Variants in WDR77 observed in about 807,000 individuals in gnomAD.
The protein encoded by WDR77 is WD repeat domain 77.
WDR77 carries 31 observed loss-of-function variants against 44.0 expected under a neutral mutation model. The observed-to-expected ratio is 0.70, with a 90% confidence interval of 0.53 to 0.95. The LOEUF is 0.95. WDR77 is among the 40% of genes least tolerant of loss of function. WDR77 has a pLI of 0.00. For synonymous variants in WDR77, 186 were observed against 165.7 expected, an observed-to-expected ratio of 1.12 and a Z score of -0.94; for missense variants, 390 against 423.9, an observed-to-expected ratio of 0.92 and a Z score of 0.70.
intron 8 of WDR77, 79 bp from the exon 9 acceptor site, chr1:111,442,172 C>A (rs773295366): frequency 4.3e-6 from 6 of 1,407,942 alleles, no homozygotes; most frequent in Non-Finnish European, 6.0e-6. Context: ...GCCCTGCCGC[C>A]ACTGTAAAGT....
chr1:111,445,878 C>A (rs12042696), intron 4 of WDR77, among the ~76,000 whole-genome samples: 1 of 152,112 alleles, frequency 6.6e-6, no homozygotes, highest in Non-Finnish European at 1.5e-5. Context: ...AAGCACTTCT[C>A]GGGCCTCAGC....
At position 111,440,893 on chromosome 1, in the gene WDR77, A is replaced by T. The variant is rs1225523488; in HGVS notation, c.*337T>A. The T allele has an allele frequency of 1.2e-5, 2 of 167,988 alleles. No individual in the cohort carries two copies. The highest frequency in any genetic ancestry group is 4.8e-5 in the African/African-American group (2 of 42,068). 10.4% of individuals were successfully genotyped at this position (167,988 alleles called of 1,614,324 possible). On this transcript the variant is annotated 3_prime_UTR_variant, in exon 10 of 10. Transcript: ENST00000235090. Reference sequence around the variant, plus strand: ...GCCAATTCCTCATAGACAGCTACATAAAACCCTTTCGTCAACTTGTTTTGG... The same window carrying T: ...GCCAATTCCTCATAGACAGCTACATTAAACCCTTTCGTCAACTTGTTTTGG...
intron 6 of WDR77, 36 bp from the exon 7 acceptor site, chr1:111,443,430 A>C: frequency 6.5e-7 from 1 of 1,530,458 alleles, no homozygotes; most frequent in Non-Finnish European, 8.9e-7. Flanking sequence ...ACCAAAACTC[A>C]GAGTACAGAA....
chr1:111,443,496 TC>T (rs1652897872), intron 6 of WDR77, 102 bp from the exon 7 acceptor site: 2 of 1,337,972 alleles, frequency 1.5e-6, no homozygotes, highest in Admixed American at 2.1e-5. Context: ...TTATTTGATT[TC>T]CCAAACCCTG....
chr1:111,442,555 A>T, intron 8 of WDR77, 98 bp downstream of exon 8: 1 of 777,224 alleles, frequency 1.3e-6, no homozygotes, highest in Non-Finnish European at 1.9e-6. Context: ...TGTCTGCTTT[A>T]AGGAACTACT....
intron 9 of WDR77, 111 bp downstream of exon 9, chr1:111,441,914 G>C (rs781714324): frequency 2.8e-4 from 302 of 1,079,348 alleles, no homozygotes; most frequent in Non-Finnish European, 4.0e-4. Context: ...TTCGGATACA[G>C]ATGGAGAATC....
Position 111,449,223 on chromosome 1 carries a change from C to CTCCGGCAGCAGACTCA in WDR77, c.-55_-54insTGAGTCTGCTGCCGGA, listed in dbSNP as rs1557797319. The stretch of plus-strand genomic sequence containing the variant: ...CAAACTGGACGCCGGCCGGAGACTC[C>CTCCGGCAGCAGACTCA]GCTCCGGCAGCAAACCCCACGTGGT... On this transcript the variant is annotated 5_prime_UTR_variant, in exon 1 of 10. Coordinates refer to ENST00000235090, the MANE Select transcript of WDR77 (RefSeq NM_024102.4). 2.1e-5 allele frequency: 32 copies of CTCCGGCAGCAGACTCA among 1,534,814 alleles called. 1 individual carries two copies. The East Asian group carries it at 7.5e-4, about 36-fold the overall frequency.
chr1:111,447,059 A>C, intron 4 of WDR77, 36 bp downstream of exon 4: 1 of 1,610,994 alleles, frequency 6.2e-7, no homozygotes, highest in South Asian at 1.1e-5. Flanking sequence ...AAAACACAAC[A>C]GCTAACACCA....
At chr1:111,445,470 G>C (rs1483412467) in intron 4 of WDR77, among the ~76,000 whole-genome samples, 2 of 152,202 alleles carry the variant, frequency 1.3e-5, no homozygotes, top group East Asian at 3.8e-4. Flanking sequence ...TACCCTCAAA[G>C]GTTTTGGGGC....
chr1:111,447,224 T>TA (rs1460305512), intron 3 of WDR77, 80 bp from the exon 4 acceptor site: 65 of 1,557,974 alleles, frequency 4.2e-5, no homozygotes, highest in Non-Finnish European at 7.1e-6. Context: ...GAACTTCCTG[T>TA]AATCAACATT....
At chr1:111,447,000 G>C in intron 4 of WDR77, 95 bp downstream of exon 4, 1 of 1,276,022 alleles carries the variant, frequency 7.8e-7, no homozygotes, top group Non-Finnish European at 1.1e-6. Flanking sequence ...AAAACTATCA[G>C]AACATGGAAT....
chr1:111,445,264 G>A (rs1329423167), intron 4 of WDR77, among the ~76,000 whole-genome samples: 2 of 152,178 alleles, frequency 1.3e-5, no homozygotes, highest in East Asian at 3.8e-4. Flanking sequence ...GACTTTCCCA[G>A]GTAGTCTGAA....
At position 111,447,428 on chromosome 1, in the gene WDR77, G is replaced by A. The variant is rs1440947878; in HGVS notation, c.443+7C>T. On this transcript the variant is annotated splice_region_variant and intron_variant, in intron 3 of 9. Transcript: ENST00000235090. ...TAGAGACAGGAGCAATGAGAACAGG[G>A]ACCCACCAGATGTCTTTGCTACCAC... is the stretch of plus-strand genomic sequence containing the variant. 1.9e-6 allele frequency: 3 copies of A among 1,614,044 alleles called. No homozygotes were observed. Among genetic ancestry groups the A allele is most frequent in the Non-Finnish European group, 8.5e-7 (1 of 1,179,970 alleles).
chr1:111,440,362 C>T lies in WDR77; in HGVS notation c.*868G>A, dbSNP rs532610917. The T allele has an allele frequency of 6.6e-6, 1 of 152,342 alleles. No individual in the cohort carries two copies. Among genetic ancestry groups the T allele is most frequent in the Non-Finnish European group, 1.5e-5 (1 of 68,020 alleles). The allele number at this position is 152,342 out of a possible 1,614,324, so 9.4% of individuals were successfully genotyped here. On this transcript the variant is annotated 3_prime_UTR_variant, in exon 10 of 10. Coordinates refer to ENST00000235090, the MANE Select transcript of WDR77 (RefSeq NM_024102.4). ...TTAAAACCTTAGAAGTCTATAAATA[C>T]TGCATTCAGACTTTCCACATCAAGA... is the stretch of plus-strand genomic sequence containing the variant.
chr1:111,446,509 T>C (rs1275013020), intron 4 of WDR77, among the ~76,000 whole-genome samples: 1 of 152,000 alleles, frequency 6.6e-6, no homozygotes, highest in African/African-American at 2.4e-5. Context: ...TAAAAGGGCT[T>C]CAATGCCATG....
chr1:111,443,780 A>C, intron 6 of WDR77, 87 bp downstream of exon 6: 1 of 1,599,340 alleles, frequency 6.3e-7, no homozygotes, highest in Admixed American at 1.7e-5. Flanking sequence ...CTGGGCATCT[A>C]GCAACTATGC....
Position 111,449,136 on chromosome 1 carries a change from G to A in WDR77, c.34C>T (p.Pro12Ser). ...GGAAGATTCCACTCCCGGGCCGCCG[G>A]GGGCACTAGGGGGGGTGGGGTTTCC... Reference protein sequence around the residue: ...RKETPPPLVPPAAREWNLPPN... With the variant: ...RKETPPPLVPSAAREWNLPPN... The change falls in exon 1 of 10, where the codon CCG becomes TCG. Residue 12 changes from proline to serine, a missense_variant. Coordinates refer to ENST00000235090, the MANE Select transcript of WDR77 (RefSeq NM_024102.4). 6.3e-7 allele frequency: 1 copy of A among 1,596,018 alleles called. No individual in the cohort carries two copies. The highest frequency in any genetic ancestry group is 8.5e-7 in the Non-Finnish European group (1 of 1,175,564).
intron 3 of WDR77, 123 bp downstream of exon 3, chr1:111,447,312 A>G (rs1346245654): frequency 3.1e-5 from 46 of 1,505,886 alleles, no homozygotes; most frequent in Non-Finnish European, 4.0e-5. Context: ...AACCTTATAG[A>G]CATGCTAAAA....
intron 4 of WDR77, among the ~76,000 whole-genome samples, chr1:111,444,621 T>C (rs762827647): frequency 2.0e-5 from 3 of 152,194 alleles, no homozygotes; most frequent in African/African-American, 4.8e-5. Context: ...CTGTCATTCA[T>C]CCCAGATCTT....
Sources: gnomAD v4.1 joint callset for allele counts (sites outside exome capture counted in the v4.1 genomes callset) on GRCh38, gnomAD v4.1.1 for gene constraint, MANE v1.5 for transcripts, NCBI Gene and HGNC (gene_info 2026-07-23, HGNC 2026-07-21) for gene names.